Variants in ATRIP observed in about 807,000 individuals in gnomAD.
ATRIP encodes the protein ATR interacting protein, also known as ATR-interacting protein.
A neutral mutation model predicts 78.1 loss-of-function variants in ATRIP; 44 were observed. That is an observed-to-expected ratio of 0.56 (90% CI 0.44 to 0.72). ATRIP has a LOEUF of 0.72. Ranked by LOEUF, ATRIP falls within the 30% of genes least tolerant of loss-of-function variation. The pLI is 0.00. For missense variants in ATRIP, 927 were observed against 980.2 expected, an observed-to-expected ratio of 0.95 and a Z score of 0.72; for synonymous variants, 388 against 408.9, an observed-to-expected ratio of 0.95 and a Z score of 0.62.
chr3:48,465,517 A>G lies in ATRIP; in HGVS notation c.2339A>G (p.Glu780Gly), dbSNP rs538134713. The change falls in exon 13 of 13, where the codon GAA becomes GGA. Residue 780 changes from glutamate to glycine, a missense_variant. Coordinates refer to ENST00000320211, the MANE Select transcript of ATRIP (RefSeq NM_130384.3). ...GCCCTGGATGACCTCTGTGCCGCGG[A>G]AACCGATGTGGAAGACCCCGAGGTG... ...EAALDDLCAA[E>G]TDVEDPEVEC... 20 of 1,613,876 alleles carry G rather than the reference A, an allele frequency of 1.2e-5. No individual in the cohort carries two copies. In the African/African-American group the frequency reaches 2.5e-4, roughly 20 times the overall value.
At position 48,454,316 on chromosome 3, in the gene ATRIP, C is replaced by G; in HGVS notation, c.569C>G (p.Ser190Cys). The G allele has an allele frequency of 1.2e-6, 2 of 1,611,582 alleles. No homozygotes were observed. The highest frequency in any genetic ancestry group is 1.7e-6 in the Non-Finnish European group (2 of 1,177,880). Residue 190 changes from serine to cysteine, a missense_variant, in exon 4 of 13, where the codon TCT (serine) becomes TGT (cysteine). Physicochemically the swap from Ser to Cys is moderately radical, Grantham distance 112. Coordinates refer to ENST00000320211, the MANE Select transcript of ATRIP (RefSeq NM_130384.3). ...EFSKKLQSLQ[S>C]ELQFKDAEMN... ...GCCTTCCAGCTCCAATCATTGCAGT[C>G]TGAACTCCAGTTTAAAGATGCAGAG... is the stretch of plus-strand genomic sequence containing the variant.
intron 8 of ATRIP, 23 bp from the exon 9 acceptor site, chr3:48,463,722 C>A (rs1212869240): frequency 6.2e-7 from 1 of 1,613,558 alleles, no homozygotes; most frequent in Non-Finnish European, 8.5e-7. Context: ...AGTGTCACGT[C>A]TCTCTGGGTC....
rs753905988 is a variant in ATRIP at position 48,467,441 on chromosome 3, C to T, written c.*1887C>T. The T allele has an allele frequency of 1.2e-6, 2 of 1,614,176 alleles. No individual in the cohort carries two copies. The highest frequency in any genetic ancestry group is 2.2e-5 in the South Asian group (2 of 91,084). On this transcript the variant is annotated 3_prime_UTR_variant, in exon 13 of 13. Transcript: ENST00000320211. ...TGGCCACAACCAGGAACACTAGTCC[C>T]AGCCTTGGAGAGAGCAGGGGTACCA... is the stretch of plus-strand genomic sequence containing the variant.
In ATRIP at chr3:48,454,302, C is replaced by T; in HGVS notation, c.555C>T (p.Leu185=). The T allele has an allele frequency of 6.3e-7, 1 of 1,599,494 alleles. No homozygotes were observed. The highest frequency in any genetic ancestry group is 8.6e-7 in the Non-Finnish European group (1 of 1,166,968). ...SDKEKEFSKK[L]QSLQSELQFK... The stretch of plus-strand genomic sequence containing the variant: ...AGCATGTTTCTTTTGCCTTCCAGCT[C>T]CAATCATTGCAGTCTGAACTCCAGT... The change falls in exon 4 of 13, where the codon CTC becomes CTT. Residue 185 remains leucine (L), a splice_region_variant and synonymous_variant. Coordinates refer to ENST00000320211, the MANE Select transcript of ATRIP (RefSeq NM_130384.3).
intron 10 of ATRIP, 63 bp from the exon 11 acceptor site, chr3:48,464,519 G>C: frequency 6.5e-7 from 1 of 1,544,364 alleles, no homozygotes; most frequent in South Asian, 1.1e-5. Context: ...AGAAGCTTAA[G>C]AAAACCCTCG....
Position 48,460,325 on chromosome 3 carries a change from A to G in ATRIP, c.1271A>G (p.Gln424Arg). 6.2e-7 allele frequency: 1 copy of G among 1,613,380 alleles called. No individual in the cohort carries two copies. Among genetic ancestry groups the G allele is most frequent in the Non-Finnish European group, 8.5e-7 (1 of 1,179,650 alleles). ...GCCGTGCATTTCCTCCCCCTTGTAC[A>G]GTTCTTCATCGGCTTACACTGCCAG... ...PGAVHFLPLV[Q>R]FFIGLHCQAL... Residue 424 changes from glutamine (Q) to arginine (R), a missense_variant, in exon 8 of 13, where the codon CAG becomes CGG. Physicochemically the swap from Gln to Arg is conservative, Grantham distance 43. Coordinates refer to ENST00000320211, the MANE Select transcript of ATRIP (RefSeq NM_130384.3).
rs559530485 is a variant in ATRIP, at chr3:48,459,820, C to G, written c.959C>G (p.Pro320Arg). 1.9e-6 allele frequency: 3 copies of G among 1,613,184 alleles called. No individual in the cohort carries two copies. In the African/African-American group the frequency reaches 4.0e-5, roughly 22 times the overall value. ...SILINLLLKQ[P>R]LIPGSSLSLC... The stretch of plus-strand genomic sequence containing the variant: ...TTGATAAACCTGCTCCTGAAGCAGC[C>G]TTTGATCCCAGGGTCATCCCTAAGC... Residue 320 changes from proline to arginine, a missense_variant, in exon 7 of 13, where the codon CCT becomes CGT. By Grantham distance (103) the Pro-to-Arg change is moderately radical (BLOSUM62 -2). Transcript: ENST00000320211.
intron 3 of ATRIP, among the ~76,000 whole-genome samples, chr3:48,452,625 G>A (rs1036152026): frequency 6.6e-6 from 1 of 152,088 alleles, no homozygotes. Flanking sequence ...AGCCCAGGAG[G>A]TTGAGGCTGC....
chr3:48,451,988 C>G, intron 3 of ATRIP, 89 bp downstream of exon 3: 6 of 1,258,160 alleles, frequency 4.8e-6, no homozygotes, highest in Non-Finnish European at 6.6e-6. Context: ...AGGGAGATTT[C>G]AACACTTGTT....
Position 48,467,137 on chromosome 3 carries a change from C to T in ATRIP, c.*1583C>T, listed in dbSNP as rs757647898. ...GTGGATAGCATCACTGCGCTGAAGG[C>T]CCTGGAGCGAGCAAGCAGCCCCTCA... On this transcript the variant is annotated 3_prime_UTR_variant, in exon 13 of 13. Coordinates refer to ENST00000320211, the MANE Select transcript of ATRIP (RefSeq NM_130384.3). The T allele has an allele frequency of 1.9e-6, 3 of 1,614,016 alleles. No individual in the cohort carries two copies. Among genetic ancestry groups the T allele is most frequent in the South Asian group, 2.2e-5 (2 of 91,088 alleles).
chr3:48,448,526 T>C (rs1467078859), intron 1 of ATRIP, among the ~76,000 whole-genome samples: 1 of 152,252 alleles, frequency 6.6e-6, no homozygotes, highest in African/African-American at 2.4e-5. Flanking sequence ...TTATTTCTTC[T>C]AGTGTGAAGA....
At chr3:48,458,593 T>TA in intron 5 of ATRIP, among the ~76,000 whole-genome samples, 1 of 152,220 alleles carries the variant, frequency 6.6e-6, no homozygotes. Context: ...ATGCTGGGAT[T>TA]ACAGGCATGA....
Position 48,465,524 on chromosome 3 carries a change from T to G in ATRIP, c.2346T>G (p.Asp782Glu). ...ALDDLCAAET[D>E]VEDPEVECG Reference sequence around the variant, plus strand: ...ATGACCTCTGTGCCGCGGAAACCGATGTGGAAGACCCCGAGGTGGAGTGTG... The same window carrying G: ...ATGACCTCTGTGCCGCGGAAACCGAGGTGGAAGACCCCGAGGTGGAGTGTG... Residue 782 changes from aspartate to glutamate, a missense_variant, in exon 13 of 13, where the codon GAT (aspartate) becomes GAG (glutamate). Coordinates refer to ENST00000320211, the MANE Select transcript of ATRIP (RefSeq NM_130384.3). The G allele has an allele frequency of 6.2e-7, 1 of 1,613,908 alleles. No individual in the cohort carries two copies. Among genetic ancestry groups the G allele is most frequent in the Non-Finnish European group, 8.5e-7 (1 of 1,179,864 alleles).
intron 3 of ATRIP, among the ~76,000 whole-genome samples, chr3:48,453,092 C>T (rs1167085591): frequency 6.6e-6 from 1 of 152,000 alleles, no homozygotes; most frequent in East Asian, 1.9e-4. Flanking sequence ...CTGTATTCTC[C>T]AAGCCGTTCT....
Position 48,457,431 on chromosome 3 carries a change from C to T in ATRIP, c.829+15C>T, listed in dbSNP as rs1366497302. ...GGGCAGAGAGGGTAAGTCCATTAGT[C>T]ATCTATTGATGTATAACAAGCTACC... On this transcript the variant is annotated intron_variant, in intron 5 of 12. Transcript: ENST00000320211. 2.0e-6 allele frequency: 3 copies of T among 1,507,260 alleles called. No individual in the cohort carries two copies. The highest frequency in any genetic ancestry group is 1.4e-5 in the South Asian group (1 of 73,684). The allele number at this position is 1,507,260 out of a possible 1,614,324, so 93.4% of individuals were successfully genotyped here. A position where few individuals can be genotyped will look rare whatever the true frequency, so the allele number is the denominator to read the frequency against.
chr3:48,464,802 G>T lies in ATRIP; in HGVS notation c.2056-29G>T, dbSNP rs1235583201. On this transcript the variant is annotated intron_variant, in intron 11 of 12. Coordinates refer to ENST00000320211, the MANE Select transcript of ATRIP (RefSeq NM_130384.3). ...TAGGGTGCAGGCCATGGTGGCACCA[G>T]GCCTCAGTCTGCACCCCCCCTCTCT... 6 of 1,602,764 alleles carry T rather than the reference G, an allele frequency of 3.7e-6. No individual in the cohort carries two copies. The Middle Eastern group carries it at 6.7e-4, about 178-fold the overall frequency.
intron 3 of ATRIP, 35 bp from the exon 4 acceptor site, chr3:48,454,265 G>A (rs2039901561): frequency 3.2e-6 from 4 of 1,260,494 alleles, no homozygotes; most frequent in Non-Finnish European, 4.6e-6. Context: ...TGTATATGAT[G>A]GGACCACTAC....
intron 4 of ATRIP, among the ~76,000 whole-genome samples, chr3:48,456,463 G>C (rs551328650): frequency 6.6e-6 from 1 of 152,158 alleles, no homozygotes; most frequent in South Asian, 2.1e-4. Flanking sequence ...AGATGTGGTG[G>C]TTGCACATCT....
chr3:48,453,088 T>C (rs972146923), intron 3 of ATRIP, among the ~76,000 whole-genome samples: 7 of 151,922 alleles, frequency 4.6e-5, no homozygotes, highest in Admixed American at 3.3e-4. Context: ...TTTGCTGTAT[T>C]CTCCAAGCCG....
Sources: allele counts gnomAD v4.1 joint callset (sites outside exome capture counted in the v4.1 genomes callset), GRCh38; gene constraint gnomAD v4.1.1; transcripts MANE v1.5; gene names NCBI Gene and HGNC (gene_info 2026-07-23, HGNC 2026-07-21).